Variants in RBMS3 observed in about 807,000 individuals in gnomAD.
RBMS3 encodes RNA binding motif single stranded interacting protein 3, also known as RNA-binding motif, single-stranded-interacting protein 3.
In RBMS3, 27 loss-of-function variants were observed where a neutral mutation model predicts 66.8. The ratio of observed to expected loss-of-function variants is 0.40; its 90% CI spans 0.30 to 0.56. The LOEUF is 0.56. Among genes scored for constraint, RBMS3 ranks in the 20% least tolerant of loss-of-function variants. The pLI is 0.40. For missense variants in RBMS3, 513 were observed against 549.5 expected (o/e 0.93, Z 0.66); for synonymous variants, 188 against 183.0 (o/e 1.03, Z -0.22).
At chr3:29,598,741 G>T (rs1404557079) in intron 4 of RBMS3, among the ~76,000 whole-genome samples, 2 of 151,932 alleles carry the variant, frequency 1.3e-5, no homozygotes, top group Non-Finnish European at 2.9e-5. Context: ...AGAGCCATCA[G>T]ATCAGAGTCT....
intron 12 of RBMS3, among the ~76,000 whole-genome samples, chr3:29,967,880 G>A (rs918889243): frequency 6.6e-6 from 1 of 152,094 alleles, no homozygotes; most frequent in African/African-American, 2.4e-5. Flanking sequence ...TCTTACTAAT[G>A]TCCTGTTAAT....
chr3:29,984,513 A>G (rs1012326246), intron 12 of RBMS3, among the ~76,000 whole-genome samples: 9 of 151,948 alleles, frequency 5.9e-5, no homozygotes, highest in African/African-American at 1.9e-4. Flanking sequence ...TGGAATTTTC[A>G]GCCTTTTTGC....
At chr3:29,955,931 C>T (rs1019853686) in intron 12 of RBMS3, among the ~76,000 whole-genome samples, 3 of 152,038 alleles carry the variant, frequency 2.0e-5, no homozygotes, top group African/African-American at 7.2e-5. Flanking sequence ...TTATTTGACA[C>T]TGCAATATTT....
chr3:29,925,328 T>A (rs1441537634), intron 10 of RBMS3: 4 of 152,182 alleles, frequency 2.6e-5, no homozygotes, highest in Admixed American at 2.6e-4. Flanking sequence ...AATGCTTGGC[T>A]GTCATAGCTA....
At chr3:29,703,342 G>A (rs1455834666) in intron 4 of RBMS3, among the ~76,000 whole-genome samples, 4 of 152,228 alleles carry the variant, frequency 2.6e-5, no homozygotes, top group Admixed American at 6.5e-5. Context: ...AATTCAATGT[G>A]TGGGGAAGAA....
At chr3:29,677,195 C>G (rs562060913) in intron 4 of RBMS3, among the ~76,000 whole-genome samples, 19 of 152,252 alleles carry the variant, frequency 1.2e-4, no homozygotes, top group South Asian at 1.2e-3. Flanking sequence ...TCACCTCCCA[C>G]CAAGCCCCAC....
chr3:29,439,385 A>T (rs991796758), intron 2 of RBMS3, among the ~76,000 whole-genome samples: 1 of 152,186 alleles, frequency 6.6e-6, no homozygotes, highest in Non-Finnish European at 1.5e-5. Flanking sequence ...AAAAGCTGAA[A>T]GAAGAATGCT....
At chr3:29,590,763 G>A (rs987390107) in intron 4 of RBMS3, among the ~76,000 whole-genome samples, 2 of 152,004 alleles carry the variant, frequency 1.3e-5, no homozygotes, top group African/African-American at 4.8e-5. Flanking sequence ...AAGTTAACTT[G>A]CAGATATTTA....
intron 1 of RBMS3, among the ~76,000 whole-genome samples, chr3:29,365,916 T>G (rs1307688017): frequency 1.3e-5 from 2 of 152,202 alleles, no homozygotes; most frequent in Non-Finnish European, 2.9e-5. Context: ...CTGTGGCAGG[T>G]TCTCACCAGT....
At chr3:29,905,015 A>G (rs907586805) in intron 10 of RBMS3, among the ~76,000 whole-genome samples, 1 of 152,014 alleles carries the variant, frequency 6.6e-6, no homozygotes, top group Non-Finnish European at 1.5e-5. Flanking sequence ...GATTTTTGGT[A>G]TTTATGTATT....
chr3:30,000,248 C>T (rs1049432573), intron 14 of RBMS3, among the ~76,000 whole-genome samples: 7 of 152,118 alleles, frequency 4.6e-5, no homozygotes, highest in Non-Finnish European at 8.8e-5. Flanking sequence ...ACAGACACTT[C>T]TCAAAAGAAG....
intron 1 of RBMS3, among the ~76,000 whole-genome samples, chr3:29,313,627 C>A (rs561030740): frequency 6.6e-6 from 1 of 151,680 alleles, no homozygotes; most frequent in Non-Finnish European, 1.5e-5. Flanking sequence ...TTTTTCCCCT[C>A]AGAAATCCTA....
At chr3:29,604,831 T>C (rs1046313324) in intron 4 of RBMS3, among the ~76,000 whole-genome samples, 8 of 152,064 alleles carry the variant, frequency 5.3e-5, no homozygotes, top group Non-Finnish European at 1.0e-4. Context: ...CCTCCAGGGA[T>C]AGACTACTAG....
At chr3:29,375,756 G>A (rs1234867057) in intron 1 of RBMS3, among the ~76,000 whole-genome samples, 1 of 152,196 alleles carries the variant, frequency 6.6e-6, no homozygotes, top group Non-Finnish European at 1.5e-5. Context: ...GTTGGTGAAA[G>A]TGTAAATTAG....
At chr3:29,751,782 T>C (rs1262115852) in intron 5 of RBMS3, among the ~76,000 whole-genome samples, 1 of 152,178 alleles carries the variant, frequency 6.6e-6, no homozygotes, top group East Asian at 1.9e-4. Flanking sequence ...GCGGCTCGGT[T>C]AGGCAGCCCG....
At chr3:29,340,289 C>T (rs1235094996) in intron 1 of RBMS3, among the ~76,000 whole-genome samples, 5 of 152,080 alleles carry the variant, frequency 3.3e-5, no homozygotes, top group Admixed American at 3.3e-4. Flanking sequence ...GTGAAGAGCT[C>T]TGTGTACCAG....
intron 4 of RBMS3, among the ~76,000 whole-genome samples, chr3:29,669,590 A>C (rs1318937781): frequency 6.6e-6 from 1 of 152,196 alleles, no homozygotes; most frequent in African/African-American, 2.4e-5. Context: ...TGACTGGTAG[A>C]TAAAAATTAT....
intron 3 of RBMS3, among the ~76,000 whole-genome samples, chr3:29,580,143 G>A (rs2047273612): frequency 1.3e-5 from 2 of 152,034 alleles, no homozygotes; most frequent in Admixed American, 6.6e-5. Context: ...GTTTTATTCT[G>A]CTAGGAAATA....
chr3:29,662,752 G>A (rs2050605366), intron 4 of RBMS3, among the ~76,000 whole-genome samples: 1 of 152,190 alleles, frequency 6.6e-6, no homozygotes, highest in African/African-American at 2.4e-5. Flanking sequence ...GAAACCAGCA[G>A]TGAGAGACAT....
Sources: allele counts gnomAD v4.1 joint callset (sites outside exome capture counted in the v4.1 genomes callset), GRCh38; gene constraint gnomAD v4.1.1; transcripts MANE v1.5; gene names NCBI Gene and HGNC (gene_info 2026-07-23, HGNC 2026-07-21).